Variants in KCNJ12 observed in about 807,000 individuals in gnomAD.
KCNJ12 encodes potassium inwardly rectifying channel subfamily J member 12.
In KCNJ12, 2 loss-of-function variants were observed where a neutral mutation model predicts 22.3. The observed-to-expected ratio is 0.09, with a 90% CI of 0.04 to 0.28. The LOEUF (loss-of-function observed/expected upper bound fraction) is 0.28. KCNJ12 is among the 10% of genes least tolerant of loss of function. The probability of loss-of-function intolerance (pLI) is 1.00; values close to 1 mark genes in which losing one functional copy is unlikely to be tolerated. For synonymous variants in KCNJ12, 117 were observed against 261.4 expected (o/e 0.45, Z 5.33); for missense variants, 155 against 633.3 (o/e 0.24, Z 8.11).
chr17:21,394,200 CT>C (rs1905277635), intron 1 of KCNJ12, among the ~76,000 whole-genome samples: 1 of 152,172 alleles, frequency 6.6e-6, no homozygotes, highest in Admixed American at 6.5e-5. Context: ...AGGGGCTGCC[CT>C]ATACAGGTGT....
chr17:21,410,474 C>T (rs1484104129), intron 2 of KCNJ12, among the ~76,000 whole-genome samples: 4 of 152,240 alleles, frequency 2.6e-5, no homozygotes, highest in African/African-American at 7.2e-5. Flanking sequence ...GGCGGGGAGG[C>T]GTGCGCCAGC....
At chr17:21,407,086 C>T (rs1283454229) in intron 1 of KCNJ12, among the ~76,000 whole-genome samples, 1 of 152,290 alleles carries the variant, frequency 6.6e-6, no homozygotes, top group Admixed American at 6.5e-5. Context: ...CATGTGCCCA[C>T]CTGCTCATCC....
chr17:21,416,655 G>C lies in KCNJ12; in HGVS notation c.*11G>C, dbSNP rs782090321. The C allele has an allele frequency of 3.8e-6, 6 of 1,592,992 alleles. No individual in the cohort carries two copies. The East Asian group carries it at 1.4e-4, about 36-fold the overall frequency. On this transcript the variant is annotated 3_prime_UTR_variant, in exon 3 of 3. Transcript: ENST00000583088. ...GAGTCAGAGATCTGAGCCAACCTTG[G>C]CCGACATGCAGCATCCACCCCCGGC...
At chr17:21,396,834 G>A (rs1555559980) in intron 1 of KCNJ12, among the ~76,000 whole-genome samples, 1 of 152,234 alleles carries the variant, frequency 6.6e-6, no homozygotes, top group African/African-American at 2.4e-5. Flanking sequence ...GCCTCAGGTA[G>A]CCGTGGGGAC....
At chr17:21,409,134 C>T (rs1906164809) in intron 2 of KCNJ12, among the ~76,000 whole-genome samples, 1 of 152,312 alleles carries the variant, frequency 6.6e-6, no homozygotes, top group Admixed American at 6.5e-5. Flanking sequence ...TGAGCTTGGT[C>T]AGAGATGGGG....
intron 1 of KCNJ12, among the ~76,000 whole-genome samples, chr17:21,395,568 C>CAAAAAAAAAAAAAAAAAAAAAAA (rs10652801): frequency 5.4e-4 from 26 of 48,126 alleles, no homozygotes; most frequent in African/African-American, 1.6e-3. Flanking sequence ...GACTTCTTCT[C>CAAAAAAAAAAAAAAAAAAAAAAA]AAAAAAAAAA....
At chr17:21,414,923 T>TG (rs1322987776) in intron 2 of KCNJ12, among the ~76,000 whole-genome samples, 1 of 152,306 alleles carries the variant, frequency 6.6e-6, no homozygotes, top group Non-Finnish European at 1.5e-5. Context: ...CCATGGAGAC[T>TG]GGGGGGCCAT....
At position 21,412,645 on chromosome 17, in the gene KCNJ12, C is replaced by T. The variant is rs1484508965; in HGVS notation, c.-56-2642C>T. Among the ~76,000 whole-genome samples, 13 of 152,408 alleles carry T rather than the reference C, an allele frequency of 8.5e-5. No individual in the cohort carries two copies. The South Asian group carries it at 1.4e-3, about 17-fold the overall frequency. On this transcript the variant is annotated intron_variant, in intron 2 of 2. Coordinates refer to ENST00000583088, the MANE Select transcript of KCNJ12 (RefSeq NM_021012.5). The stretch of plus-strand genomic sequence containing the variant: ...CAGCCTCAGGGGTCCCCCCTGCTGC[C>T]GGCTCCCTACTTCCAGGCCCAGGCA...
rs1904660340 is a variant in KCNJ12 at position 21,376,599 on chromosome 17, AAC to A, written c.-491_-490del. 1 of 151,082 alleles carries A rather than the reference AAC, an allele frequency of 6.6e-6. No homozygotes were observed. The highest frequency in any genetic ancestry group is 2.1e-4 in the South Asian group (1 of 4,806). The allele number at this position is 151,082 out of a possible 1,614,324, so 9.4% of individuals were successfully genotyped here. A position where few individuals can be genotyped will look rare whatever the true frequency, so the allele number is the denominator to read the frequency against. ...CGCCGGGCCCTGCCCGAGATCAGAT[AAC>A]AGCCGGCGGGGGAGGGGGTGGGCCG... is the stretch of plus-strand genomic sequence containing the variant. On this transcript the variant is annotated 5_prime_UTR_variant, in exon 1 of 3. Transcript: ENST00000583088. This position sits in a 1 kb window ranked among gnomAD's most constrained non-coding sequence, Gnocchi z 5.3.
intron 1 of KCNJ12, among the ~76,000 whole-genome samples, chr17:21,406,810 C>T (rs1250552483): frequency 6.6e-6 from 1 of 152,312 alleles, no homozygotes; most frequent in Non-Finnish European, 1.5e-5. Flanking sequence ...TGGCTGTAAC[C>T]TTGGAAAGGG....
chr17:21,402,538 T>G (rs1905682336), intron 1 of KCNJ12, among the ~76,000 whole-genome samples: 1 of 152,310 alleles, frequency 6.6e-6, no homozygotes, highest in Non-Finnish European at 1.5e-5. Context: ...AGCGATAGGC[T>G]TTCTGGAAGG....
At chr17:21,386,662 C>G (rs1187432383) in intron 1 of KCNJ12, among the ~76,000 whole-genome samples, 1 of 152,120 alleles carries the variant, frequency 6.6e-6, no homozygotes, top group Non-Finnish European at 1.5e-5. Context: ...CATGCGCCAC[C>G]ACGCCCAGCT....
Position 21,416,657 on chromosome 17 carries a change from C to G in KCNJ12, c.*13C>G, listed in dbSNP as rs782067486. ...GTCAGAGATCTGAGCCAACCTTGGC[C>G]GACATGCAGCATCCACCCCCGGCTG... On this transcript the variant is annotated 3_prime_UTR_variant, in exon 3 of 3. Coordinates refer to ENST00000583088, the MANE Select transcript of KCNJ12 (RefSeq NM_021012.5). 6.3e-6 allele frequency: 10 copies of G among 1,589,150 alleles called. No individual in the cohort carries two copies. Among genetic ancestry groups the G allele is most frequent in the Admixed American group, 1.8e-5 (1 of 57,032 alleles).
intron 1 of KCNJ12, among the ~76,000 whole-genome samples, chr17:21,388,338 G>A (rs1366132126): frequency 6.6e-6 from 1 of 152,198 alleles, no homozygotes; most frequent in African/African-American, 2.4e-5. Context: ...CCGTGCCAGC[G>A]TTCTTGCCTG....
Position 21,416,915 on chromosome 17 carries a change from G to A in KCNJ12, c.*271G>A. The A allele has an allele frequency of 1.9e-6, 1 of 534,592 alleles. No homozygotes were observed. The highest frequency in any genetic ancestry group is 3.1e-5 in the East Asian group (1 of 32,698). The allele number at this position is 534,592 out of a possible 1,614,324, so 33.1% of individuals were successfully genotyped here. On this transcript the variant is annotated 3_prime_UTR_variant, in exon 3 of 3. Coordinates refer to ENST00000583088, the MANE Select transcript of KCNJ12 (RefSeq NM_021012.5). ...CCAGGCCACGAGGGCCAGGGCTTCT[G>A]CCTGAAGATGGAGCTGCAGCCTGCG...
At chr17:21,411,745 T>C (rs1252600763) in intron 2 of KCNJ12, among the ~76,000 whole-genome samples, 2 of 152,286 alleles carry the variant, frequency 1.3e-5, no homozygotes, top group East Asian at 3.8e-4. Context: ...CTGATTTCAC[T>C]GTATGCACCC....
At chr17:21,412,632 T>TC (rs1955242137) in intron 2 of KCNJ12, among the ~76,000 whole-genome samples, 2 of 152,400 alleles carry the variant, frequency 1.3e-5, no homozygotes, top group African/African-American at 2.4e-5. Context: ...GCCTCAGGGG[T>TC]CCCCCCTGCT....
rs1298538913 is a variant in KCNJ12, at chr17:21,419,478, G to A, written c.*2834G>A. The A allele has an allele frequency of 6.0e-6, 1 of 167,196 alleles. No homozygotes were observed. Among genetic ancestry groups the A allele is most frequent in the Non-Finnish European group, 1.5e-5 (1 of 68,188 alleles). The allele number at this position is 167,196 out of a possible 1,614,324, so 10.4% of individuals were successfully genotyped here. A position where few individuals can be genotyped will look rare whatever the true frequency, so the allele number is the denominator to read the frequency against. On this transcript the variant is annotated 3_prime_UTR_variant, in exon 3 of 3. Transcript: ENST00000583088. ...GCCCTGATTATGCACGTCTGCTCCTGAGTGGAGCTTGTGTTCCAGGATGAG... is the reference window on the plus strand; with the variant it reads ...GCCCTGATTATGCACGTCTGCTCCTAAGTGGAGCTTGTGTTCCAGGATGAG...
chr17:21,416,951 T>C lies in KCNJ12; in HGVS notation c.*307T>C, dbSNP rs5021706. The C allele has an allele frequency of 1.5e-5, 7 of 475,826 alleles. No homozygotes were observed. The highest frequency in any genetic ancestry group is 7.8e-5 in the African/African-American group (4 of 51,198). 29.5% of individuals were successfully genotyped at this position (475,826 alleles called of 1,614,324 possible). A position where few individuals can be genotyped will look rare whatever the true frequency, so the allele number is the denominator to read the frequency against. ...GAGCTGCAGCCTGCGGGGAAGCAGC[T>C]CAGCTCGATGGTGGGCCCAGCCTCT... is the stretch of plus-strand genomic sequence containing the variant. On this transcript the variant is annotated 3_prime_UTR_variant, in exon 3 of 3. Transcript: ENST00000583088.
Sources: gnomAD v4.1 joint callset for allele counts (sites outside exome capture counted in the v4.1 genomes callset) on GRCh38, gnomAD v4.1.1 for gene constraint, Gnocchi (gnomAD v3.1) non-coding constraint, MANE v1.5 for transcripts, NCBI Gene and HGNC (gene_info 2026-07-23, HGNC 2026-07-21) for gene names.